MGAT5B: variants seen among roughly 807,000 people sequenced by gnomAD.
MGAT5B encodes alpha-1,6-mannosylglycoprotein 6-beta-N-acetylglucosaminyltransferase B.
A neutral mutation model predicts 95.1 loss-of-function variants in MGAT5B; 54 were observed. The observed-to-expected ratio is 0.57, with a 90% CI of 0.46 to 0.71. MGAT5B has a LOEUF of 0.71. Among genes scored for constraint, MGAT5B ranks in the 30% least tolerant of loss-of-function variants. The pLI is 0.00. For synonymous variants in MGAT5B, 464 were observed against 451.0 expected, an observed-to-expected ratio of 1.03 and a Z score of -0.36; for missense variants, 935 against 1,088.6, an observed-to-expected ratio of 0.86 and a Z score of 1.99.
chr17:76,874,307 C>T (rs970393439), intron 2 of MGAT5B, among the ~76,000 whole-genome samples: 9 of 151,912 alleles, frequency 5.9e-5, no homozygotes, highest in East Asian at 1.9e-4. Context: ...ATGGATGTGT[C>T]GAGTCTGAAA....
intron 3 of MGAT5B, among the ~76,000 whole-genome samples, chr17:76,898,413 C>T (rs923653790): frequency 1.3e-5 from 2 of 150,302 alleles, no homozygotes; most frequent in African/African-American, 4.9e-5. Flanking sequence ...ACTGCAACCT[C>T]TGCCTCCCGG....
chr17:76,871,510 TG>T (rs1409506988), intron 1 of MGAT5B, among the ~76,000 whole-genome samples: 1 of 152,206 alleles, frequency 6.6e-6, no homozygotes, highest in Non-Finnish European at 1.5e-5. Flanking sequence ...CCTTTAAATA[TG>T]GGCTGGGAAT....
intron 3 of MGAT5B, among the ~76,000 whole-genome samples, chr17:76,900,891 GTGTGTGCA>G (rs952042764): frequency 1.8e-4 from 27 of 150,658 alleles, no homozygotes; most frequent in African/African-American, 5.4e-4. Flanking sequence ...GTGTGTGCAT[GTGTGTGCA>G]TGTGTGTGTG....
At chr17:76,939,029 G>GGTGGGT (rs1555600424) in intron 13 of MGAT5B, among the ~76,000 whole-genome samples, 9 of 128,190 alleles carry the variant, frequency 7.0e-5, no homozygotes, top group Admixed American at 2.4e-4. Context: ...GCATCTTGGG[G>GGTGGGT]GTGTGTGTGT....
At chr17:76,902,074 G>GTGCAGTTGTGGGCGCACA (rs1411968542) in intron 3 of MGAT5B, among the ~76,000 whole-genome samples, 71 of 152,336 alleles carry the variant, frequency 4.7e-4, no homozygotes, top group African/African-American at 1.6e-3. Context: ...ATGGGTATGT[G>GTGCAGTTGTGGGCGCACA]TGCAGTTGTG....
intron 3 of MGAT5B, among the ~76,000 whole-genome samples, chr17:76,901,318 CT>C (rs1327665314): frequency 6.6e-6 from 1 of 151,884 alleles, no homozygotes; most frequent in African/African-American, 2.4e-5. Flanking sequence ...AGACCAGTAC[CT>C]TGTATAGGGA....
chr17:76,940,946 C>A lies in MGAT5B; in HGVS notation c.1848+98C>A. ...GTGCCCCCCTCTGGGTGAGTTCAGA[C>A]TTGCAGGCCTGGGTTGGCAAAGGTG... On this transcript the variant is annotated intron_variant, in intron 15 of 17. Coordinates refer to ENST00000569840, the MANE Select transcript of MGAT5B (RefSeq NM_001199172.2). This position sits in a 1 kb window ranked among gnomAD's most constrained non-coding sequence, Gnocchi z 4.3. 1.0e-6 allele frequency: 1 copy of A among 1,003,210 alleles called. No individual in the cohort carries two copies. The highest frequency in any genetic ancestry group is 1.5e-6 in the Non-Finnish European group (1 of 663,698). The allele number at this position is 1,003,210 out of a possible 1,614,324, so 62.1% of individuals were successfully genotyped here.
At chr17:76,887,490 C>T (rs1967690548) in intron 3 of MGAT5B, among the ~76,000 whole-genome samples, 1 of 99,470 alleles carries the variant, frequency 1.0e-5, no homozygotes, top group Non-Finnish European at 2.0e-5. Flanking sequence ...TCCCTCCCTC[C>T]CTCCCTTCCT....
At chr17:76,887,045 C>CAAAACAACAAACAA in intron 3 of MGAT5B, among the ~76,000 whole-genome samples, 1 of 151,454 alleles carries the variant, frequency 6.6e-6, no homozygotes, top group African/African-American at 2.4e-5. Flanking sequence ...GTCTGTCTCA[C>CAAAACAACAAACAA]AAAACAAAAA....
chr17:76,942,902 G>A (rs749939374), intron 15 of MGAT5B, among the ~76,000 whole-genome samples: 6 of 152,168 alleles, frequency 3.9e-5, no homozygotes, highest in Non-Finnish European at 7.3e-5. Flanking sequence ...GACTTCTCCT[G>A]CAGAGGGGCT....
intron 3 of MGAT5B, among the ~76,000 whole-genome samples, chr17:76,886,653 G>A (rs770284934): frequency 1.3e-5 from 2 of 152,326 alleles, no homozygotes; most frequent in Non-Finnish European, 2.9e-5. Flanking sequence ...GAGGGAGGTG[G>A]ACCAGGGAGG....
At chr17:76,913,658 G>T (rs201138834) in intron 8 of MGAT5B, 3 of 505,596 alleles carry the variant, frequency 5.9e-6, no homozygotes, top group South Asian at 2.9e-5. Flanking sequence ...ACACAGAAAG[G>T]CCTCTTACAG....
chr17:76,916,685 C>T lies in MGAT5B; in HGVS notation c.1026-8281C>T, dbSNP rs569808822. Among the ~76,000 whole-genome samples, 13 of 152,218 alleles carry T rather than the reference C, an allele frequency of 8.5e-5. No homozygotes were observed. The South Asian group carries it at 1.7e-3, about 19-fold the overall frequency. On this transcript the variant is annotated intron_variant, in intron 8 of 17. Transcript: ENST00000569840. This position sits in a 1 kb window ranked among gnomAD's most constrained non-coding sequence, Gnocchi z 5.3. ...AGGGCTGGCTTCTGGATGCTCCTGA[C>T]GGAGGCAGGATTCATCCCTGGGGAG...
intron 10 of MGAT5B, 138 bp from the exon 11 acceptor site, chr17:76,932,507 C>T (rs1462101512): frequency 3.2e-6 from 4 of 1,261,024 alleles, no homozygotes; most frequent in Non-Finnish European, 4.4e-6. Flanking sequence ...TGATTACACC[C>T]TCCCCACCGC....
At chr17:76,900,889 A>T (rs1048177434) in intron 3 of MGAT5B, among the ~76,000 whole-genome samples, 1 of 100,594 alleles carries the variant, frequency 9.9e-6, no homozygotes, top group Non-Finnish European at 1.8e-5. Context: ...GTGTGTGTGC[A>T]TGTGTGTGCA....
intron 3 of MGAT5B, among the ~76,000 whole-genome samples, chr17:76,894,430 G>C (rs137907977): frequency 6.6e-6 from 1 of 152,336 alleles, no homozygotes; most frequent in African/African-American, 2.4e-5. Context: ...CTTGGCAAGC[G>C]AGTGCTCAAT....
At position 76,925,112 on chromosome 17, in the gene MGAT5B, A is replaced by G. The variant is rs372927048; in HGVS notation, c.1157+15A>G. On this transcript the variant is annotated intron_variant, in intron 9 of 17. Coordinates refer to ENST00000569840, the MANE Select transcript of MGAT5B (RefSeq NM_001199172.2). ...AAGAAGTACCGGTGAGAGGGCGGCC[A>G]GAGGGTGGGCACGTGGCCCACATGC... is the stretch of plus-strand genomic sequence containing the variant. The G allele has an allele frequency of 1.6e-5, 26 of 1,610,260 alleles. No homozygotes were observed. Among genetic ancestry groups the G allele is most frequent in the Non-Finnish European group, 2.2e-5 (26 of 1,179,064 alleles).
intron 15 of MGAT5B, among the ~76,000 whole-genome samples, chr17:76,943,632 G>T (rs1448669911): frequency 6.8e-6 from 1 of 147,024 alleles, no homozygotes; most frequent in African/African-American, 2.5e-5. Flanking sequence ...GTGGGGGGGG[G>T]GTCTCATTTT....
At chr17:76,899,998 G>A (rs1371748891) in intron 3 of MGAT5B, among the ~76,000 whole-genome samples, 1 of 152,178 alleles carries the variant, frequency 6.6e-6, no homozygotes, top group Non-Finnish European at 1.5e-5. Context: ...AATGCAAACA[G>A]TGCTGATGTC....
Sources: gnomAD v4.1 joint callset for allele counts (sites outside exome capture counted in the v4.1 genomes callset) on GRCh38, gnomAD v4.1.1 for gene constraint, Gnocchi (gnomAD v3.1) non-coding constraint, MANE v1.5 for transcripts, NCBI Gene and HGNC (gene_info 2026-07-23, HGNC 2026-07-21) for gene names.